The following SEMA3C variants were observed in gnomAD, a reference collection of about 807,000 sequenced individuals.
The protein encoded by SEMA3C is semaphorin 3C.
In SEMA3C, 47 loss-of-function variants were observed where a neutral mutation model predicts 89.4. The observed-to-expected ratio is 0.53, with a 90% CI of 0.42 to 0.67. The LOEUF is 0.67. Among genes scored for constraint, SEMA3C ranks in the 30% least tolerant of loss-of-function variants. The pLI is 0.00. For missense variants in SEMA3C, 839 were observed against 929.1 expected (o/e 0.90, Z 1.26); for synonymous variants, 310 against 320.2 (o/e 0.97, Z 0.34).
At chr7:80,914,054 G>A (rs538439977) in intron 2 of SEMA3C, among the ~76,000 whole-genome samples, 1 of 152,250 alleles carries the variant, frequency 6.6e-6, no homozygotes, top group East Asian at 1.9e-4. Context: ...AAGTAATTAC[G>A]AGAGAATCTA....
intron 11 of SEMA3C, among the ~76,000 whole-genome samples, chr7:80,790,401 G>A (rs550326237): frequency 3.9e-5 from 6 of 151,948 alleles, no homozygotes; most frequent in Admixed American, 2.6e-4. Flanking sequence ...AGCTTAGATT[G>A]GATGTGTTAA....
chr7:80,863,884 T>TACATATGTATCACCTACATATCACAC, intron 2 of SEMA3C, among the ~76,000 whole-genome samples: 1 of 120,298 alleles, frequency 8.3e-6, no homozygotes, highest in Non-Finnish European at 1.6e-5. Context: ...ATGTATCACA[T>TACATATGTATCACCTACATATCACAC]ATATATCACA....
At chr7:80,793,520 A>G in intron 11 of SEMA3C, 1 of 434,636 alleles carries the variant, frequency 2.3e-6, no homozygotes, top group South Asian at 1.7e-5. Flanking sequence ...ACATATTCAA[A>G]GCAAAATAAC....
intron 12 of SEMA3C, among the ~76,000 whole-genome samples, chr7:80,781,457 T>C (rs1788688939): frequency 6.6e-6 from 1 of 152,248 alleles, no homozygotes; most frequent in Admixed American, 6.5e-5. Flanking sequence ...TATTTCGCAT[T>C]CTATAATGAA....
intron 2 of SEMA3C, 51 bp downstream of exon 2, chr7:80,916,628 T>A (rs142837209): frequency 1.3e-6 from 2 of 1,526,378 alleles, no homozygotes; most frequent in African/African-American, 1.4e-5. Context: ...ATAAGGAAGA[T>A]AACAAAACTT....
chr7:80,800,299 CA>C (rs1322327811), intron 10 of SEMA3C, among the ~76,000 whole-genome samples: 1 of 151,664 alleles, frequency 6.6e-6, no homozygotes, highest in Non-Finnish European at 1.5e-5. Flanking sequence ...AATTGGTATA[CA>C]AAAAAATACT....
chr7:80,855,132 G>A (rs189543067), intron 2 of SEMA3C, among the ~76,000 whole-genome samples: 1 of 152,040 alleles, frequency 6.6e-6, no homozygotes, highest in African/African-American at 2.4e-5. Flanking sequence ...CAATAGCTAT[G>A]TAAATGAAAA....
intron 2 of SEMA3C, among the ~76,000 whole-genome samples, chr7:80,831,568 A>G (rs1017795857): frequency 3.9e-5 from 6 of 152,206 alleles, no homozygotes; most frequent in African/African-American, 1.4e-4. Context: ...TACAAGTAGC[A>G]TCTACTCAAA....
At chr7:80,784,282 A>AAGAG (rs200167978) in intron 12 of SEMA3C, among the ~76,000 whole-genome samples, 27,015 of 150,852 alleles carry the variant, frequency 0.18, 2,696 homozygotes, top group East Asian at 0.42. Flanking sequence ...AAAAAAAAAA[A>AAGAG]AGAGAGATAA....
At position 80,916,324 on chromosome 7, in the gene SEMA3C, G is replaced by A. The variant is rs569999602; in HGVS notation, c.103+355C>T. 2.0e-5 allele frequency among the ~76,000 whole-genome samples: 3 copies of A among 152,208 alleles called. No individual in the cohort carries two copies. In the East Asian group the frequency reaches 5.8e-4, roughly 29 times the overall value. On this transcript the variant is annotated intron_variant, in intron 2 of 17. Coordinates refer to ENST00000265361, the MANE Select transcript of SEMA3C (RefSeq NM_006379.5). ...CCTGCATAGCTCTCTCTGCTGCTGA[G>A]GATTAGCACAAAGGGGCAATTTCTT...
rs1787716957 is a variant in SEMA3C at position 80,743,045 on chromosome 7, G to C, written c.*1849C>G. ...CTGAAACAATTTTACTTTTAACTTT[G>C]AGAATAGATTGGCCATAAACACAGA... is the stretch of plus-strand genomic sequence containing the variant. On this transcript the variant is annotated 3_prime_UTR_variant, in exon 18 of 18. Coordinates refer to ENST00000265361, the MANE Select transcript of SEMA3C (RefSeq NM_006379.5). 1.3e-5 allele frequency: 2 copies of C among 151,952 alleles called. No individual in the cohort carries two copies. Among genetic ancestry groups the C allele is most frequent in the East Asian group, 3.9e-4 (2 of 5,166 alleles). The allele number at this position is 151,952 out of a possible 1,614,324, so 9.4% of individuals were successfully genotyped here.
At chr7:80,914,340 C>T (rs1792221676) in intron 2 of SEMA3C, among the ~76,000 whole-genome samples, 1 of 151,766 alleles carries the variant, frequency 6.6e-6, no homozygotes, top group African/African-American at 2.4e-5. Flanking sequence ...GTCAATGAGT[C>T]ATCATTTGAC....
intron 17 of SEMA3C, 59 bp from the exon 18 acceptor site, chr7:80,745,366 A>G: frequency 6.8e-7 from 1 of 1,462,876 alleles, no homozygotes; most frequent in Non-Finnish European, 9.4e-7. Flanking sequence ...TTAGATTATG[A>G]CCAACATACA....
chr7:80,838,849 C>G (rs1231480585), intron 2 of SEMA3C, among the ~76,000 whole-genome samples: 1 of 152,140 alleles, frequency 6.6e-6, no homozygotes, highest in Non-Finnish European at 1.5e-5. Flanking sequence ...CAATTACCTC[C>G]CACCAGTTCT....
At chr7:80,878,627 C>G (rs1791255662) in intron 2 of SEMA3C, among the ~76,000 whole-genome samples, 1 of 152,000 alleles carries the variant, frequency 6.6e-6, no homozygotes, top group South Asian at 2.1e-4. Context: ...AGTTAGATAT[C>G]TTAAGTCTGA....
At chr7:80,798,064 T>A (rs748549616) in intron 11 of SEMA3C, 28 bp downstream of exon 11, 2 of 1,581,178 alleles carry the variant, frequency 1.3e-6, no homozygotes, top group South Asian at 2.3e-5. Context: ...TAAAGCATCA[T>A]AACAAAGAAT....
At chr7:80,843,767 T>C (rs1343064690) in intron 2 of SEMA3C, among the ~76,000 whole-genome samples, 1 of 152,202 alleles carries the variant, frequency 6.6e-6, no homozygotes, top group Non-Finnish European at 1.5e-5. Context: ...TATTGAAATA[T>C]AATGAGTGCA....
intron 14 of SEMA3C, among the ~76,000 whole-genome samples, 168 bp from the exon 15 acceptor site, chr7:80,758,656 C>G (rs75621519): frequency 0.01 from 1,573 of 152,260 alleles, 13 homozygotes; most frequent in Non-Finnish European, 0.016. Flanking sequence ...ATAGAATTTT[C>G]CTACATTAAT....
chr7:80,786,492 G>A (rs909888684), intron 12 of SEMA3C, among the ~76,000 whole-genome samples: 1 of 151,890 alleles, frequency 6.6e-6, no homozygotes, highest in African/African-American at 2.4e-5. Context: ...CATCTTTTCT[G>A]GGTAATATGA....
Sources: allele counts gnomAD v4.1 joint callset (sites outside exome capture counted in the v4.1 genomes callset), GRCh38; gene constraint gnomAD v4.1.1; transcripts MANE v1.5; gene names NCBI Gene and HGNC (gene_info 2026-07-23, HGNC 2026-07-21).